Variants in CELF3 observed in about 807,000 individuals in gnomAD.
The protein encoded by CELF3 is CAG repeat domain.
In CELF3, 26 loss-of-function variants were observed where a neutral mutation model predicts 59.6. The ratio of observed to expected loss-of-function variants is 0.44; its 90% CI spans 0.32 to 0.61. The LOEUF is 0.61. Among genes scored for constraint, CELF3 ranks in the 20% least tolerant of loss-of-function variants. CELF3 has a pLI of 0.06. For missense variants in CELF3, 387 were observed against 627.2 expected (o/e 0.62, Z 4.09); for synonymous variants, 245 against 250.7 (o/e 0.98, Z 0.22).
In CELF3 at chr1:151,701,057, A is replaced by C. The variant is rs1341412489; in HGVS notation, c.*2402T>G. ...GCTTCTTGGGAGAACAAATTGTAGG[A>C]GAGCAGGAAAAGAAACATGGAGACA... On this transcript the variant is annotated 3_prime_UTR_variant, in exon 13 of 13. Coordinates refer to ENST00000290583, the MANE Select transcript of CELF3 (RefSeq NM_007185.7). The C allele has an allele frequency of 6.6e-6, 1 of 152,278 alleles. No homozygotes were observed. Among genetic ancestry groups the C allele is most frequent in the Non-Finnish European group, 1.5e-5 (1 of 68,076 alleles). The allele number at this position is 152,278 out of a possible 1,614,324, so 9.4% of individuals were successfully genotyped here. A position where few individuals can be genotyped will look rare whatever the true frequency, so the allele number is the denominator to read the frequency against.
rs1261554109 is a variant in CELF3, at chr1:151,705,204, C to T, written c.1271-36G>A. On this transcript the variant is annotated intron_variant, in intron 11 of 12. Coordinates refer to ENST00000290583, the MANE Select transcript of CELF3 (RefSeq NM_007185.7). This position sits in a 1 kb window ranked among gnomAD's most constrained non-coding sequence, Gnocchi z 5.1. Reference sequence around the variant, plus strand: ...AGGGGCATAAGGCCCGGCCCAGCCCCACCTCGCTCTTCCGTGCTTAGGAGA... The same window carrying T: ...AGGGGCATAAGGCCCGGCCCAGCCCTACCTCGCTCTTCCGTGCTTAGGAGA... 1.4e-5 allele frequency: 22 copies of T among 1,591,988 alleles called. No homozygotes were observed. The highest frequency in any genetic ancestry group is 1.7e-5 in the Non-Finnish European group (20 of 1,165,812).
rs1672872655 is a variant in CELF3, at chr1:151,709,875, TA to T, written c.229-85del. On this transcript the variant is annotated intron_variant, in intron 2 of 12. Coordinates refer to ENST00000290583, the MANE Select transcript of CELF3 (RefSeq NM_007185.7). The surrounding 1 kb of genome is among the most constrained non-coding windows in gnomAD (Gnocchi z 4.9). ...CCCAGGCCAGGCCCTGCAGAGAGAC[TA>T]GAGGGGCAAGCCCCAGGCCCTCTAA... is the stretch of plus-strand genomic sequence containing the variant. The T allele has an allele frequency of 7.5e-7, 1 of 1,324,506 alleles. No homozygotes were observed. Among genetic ancestry groups the T allele is most frequent in the Non-Finnish European group, 1.1e-6 (1 of 916,048 alleles). The allele number at this position is 1,324,506 out of a possible 1,614,324, so 82.0% of individuals were successfully genotyped here.
Position 151,702,813 on chromosome 1 carries a change from T to G in CELF3, c.*646A>C, listed in dbSNP as rs1571901409. On this transcript the variant is annotated 3_prime_UTR_variant, in exon 13 of 13. Transcript: ENST00000290583. ...CAGAGACTGTAAACATTTTTAGGGG[T>G]TCAGGGGAAGGTCTTTTCCTCGTGA... The G allele has an allele frequency of 4.9e-6, 1 of 204,042 alleles. No homozygotes were observed. Among genetic ancestry groups the G allele is most frequent in the Non-Finnish European group, 1.0e-5 (1 of 97,592 alleles). 12.6% of individuals were successfully genotyped at this position (204,042 alleles called of 1,614,324 possible).
Position 151,716,574 on chromosome 1 carries a change from C to T in CELF3, c.-554G>A, listed in dbSNP as rs1044580946. ...CCTGTGGCGGATCCTTCTGCTGGGT[C>T]CGAAGATCCCTGATGCCAGATGCTT... On this transcript the variant is annotated 5_prime_UTR_variant, in exon 1 of 13. Transcript: ENST00000290583. 47 of 344,860 alleles carry T rather than the reference C, an allele frequency of 1.4e-4. No individual in the cohort carries two copies. The highest frequency in any genetic ancestry group is 1.7e-4 in the Non-Finnish European group (29 of 170,716). 21.4% of individuals were successfully genotyped at this position (344,860 alleles called of 1,614,324 possible).
chr1:151,715,444 TTGAACACCTGACCCTGTGTCC>T (rs1268700564), intron 1 of CELF3, among the ~76,000 whole-genome samples: 1 of 152,088 alleles, frequency 6.6e-6, no homozygotes, highest in African/African-American at 2.4e-5. Context: ...GCTTTCCACA[TTGAACACCTGACCCTGTGTCC>T]TGACCCCCAT....
Position 151,715,044 on chromosome 1 carries a change from C to T in CELF3, c.146-368G>A, listed in dbSNP as rs61815072. Among the ~76,000 whole-genome samples the T allele has an allele frequency of 9.9e-4, 150 of 152,196 alleles. 1 individual carries two copies. Among genetic ancestry groups the T allele is most frequent in the Middle Eastern group, 3.4e-3 (1 of 294 alleles). ...CCTCCACCTCCCTCCATCTTGATCA[C>T]CATCATCCCTCTCTTCTCCCATTTT... On this transcript the variant is annotated intron_variant, in intron 1 of 12. Transcript: ENST00000290583.
intron 12 of CELF3, among the ~76,000 whole-genome samples, chr1:151,704,820 T>TGA (rs952610429): frequency 6.3e-4 from 94 of 148,256 alleles, no homozygotes; most frequent in East Asian, 2.4e-3. Context: ...TGTGTGTGTG[T>TGA]GAGAGAGAGA....
chr1:151,707,458 C>G (rs370133535), intron 7 of CELF3, 49 bp downstream of exon 7: 2 of 1,603,272 alleles, frequency 1.2e-6, no homozygotes, highest in African/African-American at 2.7e-5. Context: ...GTGCCCCTCC[C>G]TACCCCTACC....
chr1:151,700,934 A>G lies in CELF3; in HGVS notation c.*2525T>C, dbSNP rs2102761880. 1 of 152,312 alleles carries G rather than the reference A, an allele frequency of 6.6e-6. No individual in the cohort carries two copies. Among genetic ancestry groups the G allele is most frequent in the East Asian group, 1.9e-4 (1 of 5,190 alleles). The allele number at this position is 152,312 out of a possible 1,614,324, so 9.4% of individuals were successfully genotyped here. On this transcript the variant is annotated 3_prime_UTR_variant, in exon 13 of 13. Transcript: ENST00000290583. Reference sequence around the variant, plus strand: ...TTTCTTATTTACTAAGCAATGTCTAATATTTGGGGCACTGTTTAGGGTGAC... The same window carrying G: ...TTTCTTATTTACTAAGCAATGTCTAGTATTTGGGGCACTGTTTAGGGTGAC...
intron 2 of CELF3, chr1:151,714,320 G>A (rs1275822838): frequency 1.7e-6 from 1 of 601,998 alleles, no homozygotes. Flanking sequence ...CCTCCCTCTA[G>A]TGTTGCCCCA....
chr1:151,710,192 C>T (rs2101462248), intron 2 of CELF3: 1 of 258,844 alleles, frequency 3.9e-6, no homozygotes, highest in East Asian at 9.1e-5. Context: ...TGAAGAAGCC[C>T]CAAGGAGGAC....
At position 151,702,991 on chromosome 1, in the gene CELF3, G is replaced by T; in HGVS notation, c.*468C>A. 2.8e-6 allele frequency: 1 copy of T among 353,762 alleles called. No individual in the cohort carries two copies. The highest frequency in any genetic ancestry group is 5.6e-6 in the Non-Finnish European group (1 of 177,684). 21.9% of individuals were successfully genotyped at this position (353,762 alleles called of 1,614,324 possible). On this transcript the variant is annotated 3_prime_UTR_variant, in exon 13 of 13. Transcript: ENST00000290583. ...CCTACCTCTAGCTGAGGGTGGAGGG[G>T]AGTGAGAGCCAGCTTCCAAGAAACC...
Position 151,709,268 on chromosome 1 carries a change from T to A in CELF3, c.358A>T (p.Thr120Ser), listed in dbSNP as rs1216974042. The part of the protein sequence containing the change: ...DVRKMFEPFG[T>S]IDECTVLRGP... ...CGGAGCACAGTGCACTCGTCGATGG[T>A]CCCGAAGGGCTCAAACATCTTCCGG... Residue 120 changes from threonine (T) to serine (S), a missense_variant, in exon 4 of 13, where the codon ACC becomes TCC. Thr to Ser is a moderately conservative substitution (Grantham distance 58). Coordinates refer to ENST00000290583, the MANE Select transcript of CELF3 (RefSeq NM_007185.7). This position sits in a 1 kb window ranked among gnomAD's most constrained non-coding sequence, Gnocchi z 4.9. The A allele has an allele frequency of 1.9e-6, 3 of 1,614,026 alleles. No individual in the cohort carries two copies. The highest frequency in any genetic ancestry group is 2.5e-6 in the Non-Finnish European group (3 of 1,179,942).
Position 151,707,169 on chromosome 1 carries a change from G to T in CELF3, c.898C>A (p.Pro300Thr). 1 of 1,526,880 alleles carries T rather than the reference G, an allele frequency of 6.5e-7. No individual in the cohort carries two copies. The highest frequency in any genetic ancestry group is 2.5e-5 in the Admixed American group (1 of 39,312). The allele number at this position is 1,526,880 out of a possible 1,614,324, so 94.6% of individuals were successfully genotyped here. A position where few individuals can be genotyped will look rare whatever the true frequency, so the allele number is the denominator to read the frequency against. The change falls in exon 8 of 13, where the codon CCC (proline) becomes ACC (threonine). Residue 300 changes from proline to threonine, a missense_variant. By Grantham distance (38) the Pro-to-Thr change is conservative. Coordinates refer to ENST00000290583, the MANE Select transcript of CELF3 (RefSeq NM_007185.7). ...TGQPAPDALY[P>T]NGVHPYPAQS... is the part of the protein sequence containing the mutation. Reference sequence around the variant, plus strand: ...CCTGGGTAGGGGTGAACCCCGTTGGGATACAGAGCATCAGGGGCAGGCTGC... The same window carrying T: ...CCTGGGTAGGGGTGAACCCCGTTGGTATACAGAGCATCAGGGGCAGGCTGC...
Position 151,715,943 on chromosome 1 carries a change from G to A in CELF3, c.78C>T (p.Ile26=). ...RHLEEKDLKP[I]FEQFGRIFEL... is the part of the protein sequence containing the mutation. ...CAAAGATCCGACCAAACTGTTCGAA[G>A]ATGGGCTTCAGGTCCTTCTCCTCCA... The change falls in exon 1 of 13, where the codon ATC becomes ATT. Residue 26 remains isoleucine (I), a synonymous_variant. Transcript: ENST00000290583. 1 of 1,614,186 alleles carries A rather than the reference G, an allele frequency of 6.2e-7. No individual in the cohort carries two copies. Among genetic ancestry groups the A allele is most frequent in the Non-Finnish European group, 8.5e-7 (1 of 1,180,028 alleles).
Position 151,703,867 on chromosome 1 carries a change from G to A in CELF3, c.*11-419C>T, listed in dbSNP as rs1249862551. On this transcript the variant is annotated intron_variant, in intron 12 of 12. Transcript: ENST00000290583. ...CAGAGAAGGCCAGGGCAGAGCCCAGGTCACGGCTCAGGGATGGAGTCTCAT... is the reference window on the plus strand; with the variant it reads ...CAGAGAAGGCCAGGGCAGAGCCCAGATCACGGCTCAGGGATGGAGTCTCAT... Among the ~76,000 whole-genome samples the A allele has an allele frequency of 4.6e-5, 7 of 152,268 alleles. No homozygotes were observed. The East Asian group carries it at 9.7e-4, about 21-fold the overall frequency.
Position 151,706,702 on chromosome 1 carries a change from G to T in CELF3, c.955C>A (p.Gln319Lys), listed in dbSNP as rs1334249447. 1.3e-6 allele frequency: 2 copies of T among 1,551,020 alleles called. No homozygotes were observed. The highest frequency in any genetic ancestry group is 1.7e-6 in the Non-Finnish European group (2 of 1,146,828). ...TGCTGCATCCCCGCGTAGGCCTGCT[G>T]CAGGGGGTCCACGGGGGCCGCGGGG... is the stretch of plus-strand genomic sequence containing the variant. ...QSPAAPVDPL[Q>K]QAYAGMQHYT... The change falls in exon 9 of 13, where the codon CAG (glutamine) becomes AAG (lysine). Residue 319 changes from glutamine to lysine, a missense_variant. Coordinates refer to ENST00000290583, the MANE Select transcript of CELF3 (RefSeq NM_007185.7).
intron 12 of CELF3, among the ~76,000 whole-genome samples, chr1:151,704,639 C>G (rs572148751): frequency 6.6e-6 from 1 of 152,248 alleles, no homozygotes; most frequent in Non-Finnish European, 1.5e-5. Flanking sequence ...TCAGCCAACC[C>G]CTTAATCCTC....
chr1:151,703,270 T>G lies in CELF3; in HGVS notation c.*189A>C. 2.2e-6 allele frequency: 1 copy of G among 456,644 alleles called. No homozygotes were observed. The highest frequency in any genetic ancestry group is 4.4e-6 in the Non-Finnish European group (1 of 227,074). The allele number at this position is 456,644 out of a possible 1,614,324, so 28.3% of individuals were successfully genotyped here. A position where few individuals can be genotyped will look rare whatever the true frequency, so the allele number is the denominator to read the frequency against. Reference sequence around the variant, plus strand: ...ATGGGCCCTTGGAGCCAGGGAAGCATAGCCATGGCCCTTCAGAGAGGCAGG... The same window carrying G: ...ATGGGCCCTTGGAGCCAGGGAAGCAGAGCCATGGCCCTTCAGAGAGGCAGG... On this transcript the variant is annotated 3_prime_UTR_variant, in exon 13 of 13. Transcript: ENST00000290583.
Sources: gnomAD v4.1 joint callset for allele counts (sites outside exome capture counted in the v4.1 genomes callset) on GRCh38, gnomAD v4.1.1 for gene constraint, Gnocchi (gnomAD v3.1) non-coding constraint, MANE v1.5 for transcripts, NCBI Gene and HGNC (gene_info 2026-07-23, HGNC 2026-07-21) for gene names.